MYO9A: variants seen among roughly 807,000 people sequenced by gnomAD.
The protein encoded by MYO9A is unconventional myosin-IXa.
In MYO9A, 103 loss-of-function variants were observed where a neutral mutation model predicts 293.3. That is an observed-to-expected ratio of 0.35 (90% confidence interval 0.30 to 0.41). The LOEUF is 0.41. MYO9A is among the 10% of genes least tolerant of loss of function. The probability of loss-of-function intolerance (pLI) is 1.00; values close to 1 mark genes in which losing one functional copy is unlikely to be tolerated. For missense variants in MYO9A, 2,685 were observed against 3,033.0 expected (o/e 0.89, Z 2.69); for synonymous variants, 1,001 against 1,035.7 (o/e 0.97, Z 0.64).
chr15:71,875,517 A>C (rs572750473), intron 32 of MYO9A, among the ~76,000 whole-genome samples: 9 of 152,142 alleles, frequency 5.9e-5, no homozygotes, highest in Non-Finnish European at 1.0e-4. Context: ...ACTCCTGAAG[A>C]GCTCCTTCCC....
At chr15:72,111,591 AT>A (rs951786967) in intron 1 of MYO9A, among the ~76,000 whole-genome samples, 1 of 151,866 alleles carries the variant, frequency 6.6e-6, no homozygotes, top group African/African-American at 2.4e-5. Flanking sequence ...TTACATAAAA[AT>A]TTTTTTAACT....
intron 1 of MYO9A, among the ~76,000 whole-genome samples, chr15:72,101,215 G>C (rs1285846798): frequency 1.5e-5 from 2 of 133,806 alleles, no homozygotes; most frequent in African/African-American, 5.6e-5. Flanking sequence ...CCCTCTGCCC[G>C]GCCAGCCGCC....
chr15:71,929,543 C>T (rs546428693), intron 18 of MYO9A, among the ~76,000 whole-genome samples: 1 of 152,266 alleles, frequency 6.6e-6, no homozygotes, highest in East Asian at 1.9e-4. Flanking sequence ...GTTGAAATGA[C>T]AGTATGGTTT....
chr15:71,904,084 A>AAATT (rs766066394), intron 20 of MYO9A, 45 bp from the exon 21 acceptor site: 16 of 1,413,822 alleles, frequency 1.1e-5, no homozygotes, highest in Non-Finnish European at 1.6e-5. Context: ...GTAGATCTCC[A>AAATT]AATTAATTAT....
In MYO9A at chr15:72,045,891, C is replaced by CA. The variant is rs2078370896; in HGVS notation, c.672dup (p.Ala225CysfsTer56). ...TGATTCTTTTTGCGCTGAAGCATGG[C>CA]ATGATAAGCTACATCAGCCACAGCA... On this transcript the variant is annotated frameshift_variant, in exon 2 of 42. Coordinates refer to ENST00000356056, the MANE Select transcript of MYO9A (RefSeq NM_006901.4). LOFTEE classifies it high-confidence loss of function. 6.2e-7 allele frequency: 1 copy of CA among 1,613,988 alleles called. No individual in the cohort carries two copies. Among genetic ancestry groups the CA allele is most frequent in the African/African-American group, 1.3e-5 (1 of 74,912 alleles).
intron 8 of MYO9A, among the ~76,000 whole-genome samples, chr15:72,000,499 T>A (rs1314029810): frequency 6.6e-6 from 1 of 152,220 alleles, no homozygotes; most frequent in Non-Finnish European, 1.5e-5. Context: ...CACATTATCA[T>A]TTCAGTTAAT....
At chr15:71,837,445 T>C (rs1038695445) in intron 39 of MYO9A, among the ~76,000 whole-genome samples, 3 of 152,152 alleles carry the variant, frequency 2.0e-5, no homozygotes, top group Non-Finnish European at 4.4e-5. Context: ...CCATTTGACA[T>C]TGACTATTTC....
rs1359684044 is a variant in MYO9A at position 71,938,912 on chromosome 15, T to C, written c.2318A>G (p.Asn773Ser). 6.2e-7 allele frequency: 1 copy of C among 1,610,216 alleles called. No homozygotes were observed. Among genetic ancestry groups the C allele is most frequent in the South Asian group, 1.1e-5 (1 of 90,482 alleles). Residue 773 changes from asparagine (N) to serine (S), a missense_variant, in exon 16 of 42, where the codon AAT (asparagine) becomes AGT (serine). Transcript: ENST00000356056. ...KEEKYSITRK[N>S]PRTPLSDLQG... ...GAGATCAGAAAGAGGTGTTCTGGGA[T>C]TTTTCCGGGTTATACCTAGCAAAAT...
intron 2 of MYO9A, chr15:72,036,538 A>G (rs1187520495): frequency 2.0e-5 from 3 of 151,456 alleles, no homozygotes; most frequent in African/African-American, 4.9e-5. Flanking sequence ...AGAAAAACCA[A>G]CATCCTACAA....
At chr15:71,966,896 C>G (rs1237248716) in intron 13 of MYO9A, among the ~76,000 whole-genome samples, 2 of 152,178 alleles carry the variant, frequency 1.3e-5, no homozygotes, top group African/African-American at 4.8e-5. Flanking sequence ...ACTTGGCTTA[C>G]AAGCCCTAAA....
At chr15:72,065,108 G>A (rs2078980677) in intron 1 of MYO9A, among the ~76,000 whole-genome samples, 1 of 152,190 alleles carries the variant, frequency 6.6e-6, no homozygotes, top group African/African-American at 2.4e-5. Flanking sequence ...TGTCAATGGT[G>A]CTGCACCAAC....
chr15:71,893,009 GC>G, intron 26 of MYO9A: 1 of 1,289,506 alleles, frequency 7.8e-7, no homozygotes, highest in Non-Finnish European at 1.0e-6. Context: ...CTGGGTGCAG[GC>G]CCTAGCTCAC....
intron 1 of MYO9A, among the ~76,000 whole-genome samples, chr15:72,047,857 ACCCT>A (rs1333869971): frequency 8.2e-6 from 1 of 122,044 alleles, no homozygotes; most frequent in Non-Finnish European, 1.6e-5. Flanking sequence ...GGCTCACTGC[ACCCT>A]CCATCACCCG....
At chr15:72,075,801 T>A (rs1296194401) in intron 1 of MYO9A, among the ~76,000 whole-genome samples, 8 of 151,714 alleles carry the variant, frequency 5.3e-5, no homozygotes, top group Non-Finnish European at 1.2e-4. Context: ...AAGTAAGAAA[T>A]ACTAAAGTAA....
At chr15:72,010,301 TATC>T in intron 7 of MYO9A, 46 bp downstream of exon 7, 2 of 1,483,058 alleles carry the variant, frequency 1.3e-6, no homozygotes, top group East Asian at 2.3e-5. Flanking sequence ...TTCAAAGACA[TATC>T]ATGTGTTCTC....
chr15:72,012,279 G>A (rs543304362), intron 6 of MYO9A, among the ~76,000 whole-genome samples: 1 of 152,134 alleles, frequency 6.6e-6, no homozygotes, highest in African/African-American at 2.4e-5. Context: ...CTACTGACAT[G>A]CCAATGTCCT....
In MYO9A at chr15:71,826,233, C is replaced by CAGGA. The variant is rs1459753396; in HGVS notation, c.*343_*346dup. On this transcript the variant is annotated 3_prime_UTR_variant, in exon 42 of 42. Coordinates refer to ENST00000356056, the MANE Select transcript of MYO9A (RefSeq NM_006901.4). Reference sequence around the variant, plus strand: ...AAATGTCAGAAATGAGAGGGTCCCTCAGGACAGCAATATCCCCCCTAGTTC... The same window carrying CAGGA: ...AAATGTCAGAAATGAGAGGGTCCCTCAGGAAGGACAGCAATATCCCCCCTAGTTC... The CAGGA allele has an allele frequency of 4.7e-6, 1 of 211,476 alleles. No homozygotes were observed. The highest frequency in any genetic ancestry group is 9.4e-6 in the Non-Finnish European group (1 of 106,718). 13.1% of individuals were successfully genotyped at this position (211,476 alleles called of 1,614,324 possible). A position where few individuals can be genotyped will look rare whatever the true frequency, so the allele number is the denominator to read the frequency against.
chr15:71,910,100 A>ATATATATACG lies in MYO9A; in HGVS notation c.2686-5095_2686-5094insCGTATATATA, dbSNP rs2057789978. 7.6e-5 allele frequency among the ~76,000 whole-genome samples: 11 copies of ATATATATACG among 143,838 alleles called. No homozygotes were observed. In the Admixed American group the frequency reaches 7.7e-4, roughly 10 times the overall value. The allele number at this position is 143,838 out of a possible 152,430, so 94.4% of individuals were successfully genotyped here. Reference sequence around the variant, plus strand: ...TATATATATACACGTATATATATATACGTATATATATACGTGTATATATAC... The same window carrying ATATATATACG: ...TATATATATACACGTATATATATATATATATATACGCGTATATATATACGTGTATATATAC... On this transcript the variant is annotated intron_variant, in intron 19 of 41. Coordinates refer to ENST00000356056, the MANE Select transcript of MYO9A (RefSeq NM_006901.4).
intron 17 of MYO9A, among the ~76,000 whole-genome samples, chr15:71,934,847 T>C (rs1567290606): frequency 7.2e-6 from 1 of 138,076 alleles, no homozygotes. Context: ...TGGTAGAGAA[T>C]GGTTATAGCT....
Sources: allele counts gnomAD v4.1 joint callset (sites outside exome capture counted in the v4.1 genomes callset), GRCh38; gene constraint gnomAD v4.1.1; transcripts MANE v1.5; gene names NCBI Gene and HGNC (gene_info 2026-07-23, HGNC 2026-07-21).